The following ADAM12 variants were observed in gnomAD, a reference collection of about 807,000 sequenced individuals.
ADAM12 encodes disintegrin and metalloproteinase domain-containing protein 12.
ADAM12 carries 70 observed loss-of-function variants against 106.4 expected under a neutral mutation model. The ratio of observed to expected loss-of-function variants is 0.66; its 90% CI spans 0.54 to 0.80. The LOEUF (loss-of-function observed/expected upper bound fraction) is 0.80. Ranked by LOEUF, ADAM12 falls within the 30% of genes least tolerant of loss-of-function variation. ADAM12 has a pLI of 0.00. For missense variants in ADAM12, 1,010 were observed against 1,171.9 expected, an observed-to-expected ratio of 0.86 and a Z score of 2.02; for synonymous variants, 420 against 433.5, an observed-to-expected ratio of 0.97 and a Z score of 0.39.
At position 126,059,001 on chromosome 10, in the gene ADAM12, G is replaced by T. The variant is rs1278267; in HGVS notation, c.1609+5805C>A. On this transcript the variant is annotated intron_variant, in intron 14 of 22. Coordinates refer to ENST00000448723, the MANE Select transcript of ADAM12 (RefSeq NM_001288973.2). ...TGAGTCCTTAATAATGGAACACTTAGGTATTTTGCCATTATCAAAAGATAA... is the reference window on the plus strand; with the variant it reads ...TGAGTCCTTAATAATGGAACACTTATGTATTTTGCCATTATCAAAAGATAA... Among the ~76,000 whole-genome samples the T allele has an allele frequency of 9.0e-3, 1,373 of 152,178 alleles. 21 individuals are homozygous for T. Among genetic ancestry groups the T allele is most frequent in the African/African-American group, 0.03 (1,248 of 41,526 alleles).
At chr10:126,312,854 T>C (rs1391563057) in intron 2 of ADAM12, among the ~76,000 whole-genome samples, 2 of 152,312 alleles carry the variant, frequency 1.3e-5, no homozygotes, top group African/African-American at 2.4e-5. Context: ...CAGCCACATA[T>C]GCACGTGAAC....
At chr10:126,387,648 T>C (rs1856713888) in intron 1 of ADAM12, among the ~76,000 whole-genome samples, 1 of 151,804 alleles carries the variant, frequency 6.6e-6, no homozygotes, top group Non-Finnish European at 1.5e-5. Flanking sequence ...AAAGGAAACC[T>C]GGTGAAGGGC....
intron 2 of ADAM12, among the ~76,000 whole-genome samples, chr10:126,328,627 T>G (rs1261769990): frequency 6.6e-6 from 1 of 152,224 alleles, no homozygotes. Context: ...GGCCATACAC[T>G]GATGCCATAA....
chr10:126,125,246 TTTC>T (rs1480480112), intron 5 of ADAM12, among the ~76,000 whole-genome samples: 5 of 106,746 alleles, frequency 4.7e-5, no homozygotes, highest in African/African-American at 1.6e-4. Flanking sequence ...TTTCTTTTCT[TTTC>T]TTTTTTTTTT....
At chr10:126,305,442 G>A (rs1301605027) in intron 2 of ADAM12, among the ~76,000 whole-genome samples, 1 of 152,010 alleles carries the variant, frequency 6.6e-6, no homozygotes, top group Non-Finnish European at 1.5e-5. Context: ...AAAACAGATT[G>A]GTCGTTACTT....
In ADAM12 at chr10:126,053,738, T is replaced by C. The variant is rs986516574; in HGVS notation, c.1610-4069A>G. Among the ~76,000 whole-genome samples, 5 of 152,124 alleles carry C rather than the reference T, an allele frequency of 3.3e-5. No individual in the cohort carries two copies. The highest frequency in any genetic ancestry group is 7.4e-5 in the Non-Finnish European group (5 of 68,012). Reference sequence around the variant, plus strand: ...TATTTTTTTTGAGAGAGAGTTTCGCTCTTGTTGCCCAGGCTCGAGTGCAAT... The same window carrying C: ...TATTTTTTTTGAGAGAGAGTTTCGCCCTTGTTGCCCAGGCTCGAGTGCAAT... On this transcript the variant is annotated intron_variant, in intron 14 of 22. Coordinates refer to ENST00000448723, the MANE Select transcript of ADAM12 (RefSeq NM_001288973.2). The surrounding 1 kb of genome is among the most constrained non-coding windows in gnomAD (Gnocchi z 4.6).
rs532215211 is a variant in ADAM12, at chr10:126,338,972, A to G, written c.89-8463T>C. 6.8e-4 allele frequency among the ~76,000 whole-genome samples: 103 copies of G among 152,338 alleles called. 2 individuals carry two copies. The South Asian group carries it at 0.02, about 29-fold the overall frequency. ...TAAAGCCCCAGCTCCATGTAAAGGCATTCTCTCACATCCCTGCTGCTTCAC... is the reference window on the plus strand; with the variant it reads ...TAAAGCCCCAGCTCCATGTAAAGGCGTTCTCTCACATCCCTGCTGCTTCAC... On this transcript the variant is annotated intron_variant, in intron 1 of 22. Coordinates refer to ENST00000448723, the MANE Select transcript of ADAM12 (RefSeq NM_001288973.2).
At chr10:126,217,607 T>A (rs1429071627) in intron 3 of ADAM12, among the ~76,000 whole-genome samples, 5 of 149,200 alleles carry the variant, frequency 3.4e-5, no homozygotes, top group African/African-American at 1.2e-4. Flanking sequence ...CCTCAGATAA[T>A]CTGCCTGCCT....
chr10:126,067,119 G>GC, intron 12 of ADAM12: 1 of 325,250 alleles, frequency 3.1e-6, no homozygotes, highest in Admixed American at 3.9e-5. Context: ...CTGTAGAGGG[G>GC]TGTCCAGGCG....
rs543548945 is a variant in ADAM12 at position 126,296,895 on chromosome 10, C to CA, written c.187-17908dup. 3.9e-5 allele frequency among the ~76,000 whole-genome samples: 6 copies of CA among 152,316 alleles called. No homozygotes were observed. The South Asian group carries it at 1.2e-3, about 32-fold the overall frequency. On this transcript the variant is annotated intron_variant, in intron 2 of 22. Transcript: ENST00000448723. ...ACAACTTATTCTGTGAATTTTGACA[C>CA]ACAGTTCCAACCTGTTGAGGACTTT...
intron 3 of ADAM12, among the ~76,000 whole-genome samples, chr10:126,220,234 A>T (rs2133851060): frequency 6.6e-6 from 1 of 152,330 alleles, no homozygotes; most frequent in Admixed American, 6.5e-5. Flanking sequence ...GATTCACGAT[A>T]ACAATAGTGA....
rs147304429 is a variant in ADAM12 at position 126,171,601 on chromosome 10, C to T, written c.261-16296G>A. Among the ~76,000 whole-genome samples, 136 of 152,312 alleles carry T rather than the reference C, an allele frequency of 8.9e-4. 1 individual carries two copies. The highest frequency in any genetic ancestry group is 1.5e-3 in the Non-Finnish European group (102 of 68,026). Reference sequence around the variant, plus strand: ...TGGCTTGTTCACCGCTAAGTCTCCACGGTGTCTTGCGTATGGGACAAAACC... The same window carrying T: ...TGGCTTGTTCACCGCTAAGTCTCCATGGTGTCTTGCGTATGGGACAAAACC... On this transcript the variant is annotated intron_variant, in intron 3 of 22. Coordinates refer to ENST00000448723, the MANE Select transcript of ADAM12 (RefSeq NM_001288973.2).
chr10:126,309,230 GA>G (rs1402693204), intron 2 of ADAM12, among the ~76,000 whole-genome samples: 2 of 152,178 alleles, frequency 1.3e-5, no homozygotes, highest in Non-Finnish European at 2.9e-5. Flanking sequence ...TTACATCGTT[GA>G]GGAAGACAAT....
chr10:126,229,069 C>T (rs981155653), intron 3 of ADAM12, among the ~76,000 whole-genome samples: 3 of 152,176 alleles, frequency 2.0e-5, no homozygotes, highest in African/African-American at 4.8e-5. Flanking sequence ...GAGATGACCA[C>T]GCTAATGGAA....
intron 3 of ADAM12, among the ~76,000 whole-genome samples, chr10:126,155,860 C>A (rs1956806362): frequency 6.6e-6 from 1 of 152,008 alleles, no homozygotes; most frequent in Non-Finnish European, 1.5e-5. Context: ...CTAAAAGCAG[C>A]AATGTATGTA....
chr10:126,223,278 T>C (rs1463409127), intron 3 of ADAM12, among the ~76,000 whole-genome samples: 1 of 152,228 alleles, frequency 6.6e-6, no homozygotes, highest in Non-Finnish European at 1.5e-5. Context: ...AGATTCGAAG[T>C]TGATTTCAAA....
intron 3 of ADAM12, among the ~76,000 whole-genome samples, chr10:126,255,977 C>T (rs1003447179): frequency 1.3e-5 from 2 of 152,150 alleles, no homozygotes; most frequent in East Asian, 3.9e-4. Context: ...CGTCAGGGCA[C>T]TTACCACCCA....
intron 2 of ADAM12, among the ~76,000 whole-genome samples, chr10:126,305,046 G>A (rs1960787975): frequency 6.6e-6 from 1 of 152,006 alleles, no homozygotes; most frequent in Non-Finnish European, 1.5e-5. Flanking sequence ...TAAAATGGTA[G>A]ACTTTGGGAG....
rs1954882341 is a variant in ADAM12, at chr10:126,066,891, A to C, written c.1324-85T>G. On this transcript the variant is annotated intron_variant, in intron 12 of 22. Coordinates refer to ENST00000448723, the MANE Select transcript of ADAM12 (RefSeq NM_001288973.2). The surrounding 1 kb of genome is among the most constrained non-coding windows in gnomAD (Gnocchi z 5.1). ...CAAACATCACACCTTAAATGGCTGC[A>C]AAAAGCAAGAAAGACCAAGAGGGCC... The C allele has an allele frequency of 7.6e-7, 1 of 1,321,728 alleles. No individual in the cohort carries two copies. Among genetic ancestry groups the C allele is most frequent in the Non-Finnish European group, 1.1e-6 (1 of 933,824 alleles). The allele number at this position is 1,321,728 out of a possible 1,614,324, so 81.9% of individuals were successfully genotyped here. A position where few individuals can be genotyped will look rare whatever the true frequency, so the allele number is the denominator to read the frequency against.
Sources: gnomAD v4.1 joint callset for allele counts (sites outside exome capture counted in the v4.1 genomes callset) on GRCh38, gnomAD v4.1.1 for gene constraint, Gnocchi (gnomAD v3.1) non-coding constraint, MANE v1.5 for transcripts, NCBI Gene and HGNC (gene_info 2026-07-23, HGNC 2026-07-21) for gene names.